Variants in PSD3 observed in about 807,000 individuals in gnomAD.
PSD3 encodes the protein PH and SEC7 domain-containing protein 3.
A neutral mutation model predicts 105.5 loss-of-function variants in PSD3; 49 were observed. The ratio of observed to expected loss-of-function variants is 0.46; its 90% CI spans 0.37 to 0.59. PSD3 has a LOEUF of 0.59. Among genes scored for constraint, PSD3 ranks in the 20% least tolerant of loss-of-function variants. The pLI, the probability that PSD3 is intolerant of heterozygous loss-of-function variation, is 0.00. For missense variants in PSD3, 1,561 were observed against 1,263.8 expected, an observed-to-expected ratio of 1.24 and a Z score of -3.57; for synonymous variants, 557 against 457.8, an observed-to-expected ratio of 1.22 and a Z score of -2.77.
chr8:18,537,378 T>G (rs566964261), intron 15 of PSD3, among the ~76,000 whole-genome samples: 1 of 152,210 alleles, frequency 6.6e-6, no homozygotes, highest in Non-Finnish European at 1.5e-5. Context: ...ATTACCTCCA[T>G]TGATATGAAA....
intron 1 of PSD3, among the ~76,000 whole-genome samples, chr8:19,083,559 T>G (rs1829710840): frequency 1.3e-5 from 2 of 152,098 alleles, no homozygotes; most frequent in East Asian, 3.9e-4. Flanking sequence ...CTAGGTGTGT[T>G]GGGGAGATGG....
chr8:18,878,212 T>A (rs1158003128), intron 2 of PSD3, among the ~76,000 whole-genome samples: 1 of 152,202 alleles, frequency 6.6e-6, no homozygotes, highest in East Asian at 1.9e-4. Context: ...CTTTTGATAT[T>A]GCTTTTCAAA....
At chr8:19,082,441 G>T (rs1829673524) in intron 1 of PSD3, among the ~76,000 whole-genome samples, 1 of 152,188 alleles carries the variant, frequency 6.6e-6, no homozygotes, top group South Asian at 2.1e-4. Flanking sequence ...GTGTTTTCAT[G>T]GTGGAAAAAC....
Position 18,668,977 on chromosome 8 carries a change from T to C in PSD3, c.2173-13292A>G, listed in dbSNP as rs78156521. Among the ~76,000 whole-genome samples, 314 of 152,322 alleles carry C rather than the reference T, an allele frequency of 2.1e-3. 4 individuals carry two copies. In the East Asian group the frequency reaches 0.047, roughly 23 times the overall value. Reference sequence around the variant, plus strand: ...TTTTCACAGGGAAAGATATCCATCATCCTAAGTTCACGGCTAAGAAAACTT... The same window carrying C: ...TTTTCACAGGGAAAGATATCCATCACCCTAAGTTCACGGCTAAGAAAACTT... On this transcript the variant is annotated intron_variant, in intron 9 of 15. Transcript: ENST00000327040.
At chr8:19,031,822 C>G (rs557702991) in intron 1 of PSD3, among the ~76,000 whole-genome samples, 1 of 152,244 alleles carries the variant, frequency 6.6e-6, no homozygotes, top group Admixed American at 6.5e-5. Flanking sequence ...TGAACTAAAA[C>G]AGAACTAAAA....
At chr8:18,651,783 G>A (rs922962891) in intron 10 of PSD3, among the ~76,000 whole-genome samples, 1 of 152,162 alleles carries the variant, frequency 6.6e-6, no homozygotes, top group African/African-American at 2.4e-5. Context: ...AAGGATGATA[G>A]GCTTTGAACA....
At chr8:18,818,814 G>A (rs961653821) in intron 4 of PSD3, among the ~76,000 whole-genome samples, 1 of 152,074 alleles carries the variant, frequency 6.6e-6, no homozygotes, top group African/African-American at 2.4e-5. Context: ...TCTTATATTA[G>A]TGACAGTCAG....
At chr8:18,822,038 A>G (rs1006658568) in intron 4 of PSD3, among the ~76,000 whole-genome samples, 1 of 152,178 alleles carries the variant, frequency 6.6e-6, no homozygotes, top group African/African-American at 2.4e-5. Context: ...TAAAGACGTA[A>G]AAGTCCTTCA....
chr8:18,699,510 T>A (rs1468173674), intron 9 of PSD3, among the ~76,000 whole-genome samples: 1 of 152,168 alleles, frequency 6.6e-6, no homozygotes, highest in Non-Finnish European at 1.5e-5. Flanking sequence ...TAACAATTCA[T>A]AGAGTGTAGT....
intron 4 of PSD3, among the ~76,000 whole-genome samples, chr8:18,846,705 T>C (rs980667374): frequency 2.6e-5 from 4 of 152,168 alleles, no homozygotes; most frequent in African/African-American, 7.2e-5. Context: ...TGGATAGAAG[T>C]TGCAGGATGC....
At chr8:18,813,438 G>C (rs542535218) in intron 4 of PSD3, among the ~76,000 whole-genome samples, 1 of 152,314 alleles carries the variant, frequency 6.6e-6, no homozygotes, top group African/African-American at 2.4e-5. Flanking sequence ...TCACCCTTAT[G>C]TTGGTGGAGG....
chr8:18,603,603 T>C (rs967625650), intron 11 of PSD3, among the ~76,000 whole-genome samples: 4 of 152,236 alleles, frequency 2.6e-5, no homozygotes, highest in Admixed American at 2.0e-4. Flanking sequence ...GCAATGTTGA[T>C]AGTGTTTAGA....
chr8:18,702,780 A>T (rs1442048198), intron 9 of PSD3, among the ~76,000 whole-genome samples: 1 of 151,090 alleles, frequency 6.6e-6, no homozygotes, highest in Non-Finnish European at 1.5e-5. Context: ...GCCTGGCTAA[A>T]TTTTTGCATT....
intron 4 of PSD3, among the ~76,000 whole-genome samples, chr8:18,817,407 A>C (rs1812303959): frequency 6.6e-6 from 1 of 152,110 alleles, no homozygotes; most frequent in African/African-American, 2.4e-5. Flanking sequence ...ATGGATTCAG[A>C]GCATACTCTC....
rs540081198 is a variant in PSD3, at chr8:19,058,524, T to G, written c.324+25682A>C. Among the ~76,000 whole-genome samples the G allele has an allele frequency of 4.1e-4, 61 of 150,392 alleles. No homozygotes were observed. In the South Asian group the frequency reaches 0.012, roughly 29 times the overall value. On this transcript the variant is annotated intron_variant, in intron 1 of 1. Transcript: ENST00000521475. ...TATATACATTTATATTATATGTGTGTTAAAATTCATAGAACTGTACATACA... is the reference window on the plus strand; with the variant it reads ...TATATACATTTATATTATATGTGTGGTAAAATTCATAGAACTGTACATACA...
At chr8:19,074,584 G>GAAATAT (rs1454399924) in intron 1 of PSD3, among the ~76,000 whole-genome samples, 1 of 99,536 alleles carries the variant, frequency 1.0e-5, no homozygotes, top group Non-Finnish European at 2.1e-5. Context: ...TTACAACTCA[G>GAAATAT]ATATATACAT....
chr8:19,036,990 T>C (rs1827963763), intron 1 of PSD3, among the ~76,000 whole-genome samples: 1 of 152,204 alleles, frequency 6.6e-6, no homozygotes. Context: ...GTCTTCAGCA[T>C]CCCCTGTGTC....
chr8:18,576,673 G>A (rs1043761840), intron 12 of PSD3, among the ~76,000 whole-genome samples: 1 of 152,032 alleles, frequency 6.6e-6, no homozygotes, highest in Admixed American at 6.6e-5. Flanking sequence ...TTATAATTAC[G>A]CTATAACAGA....
intron 8 of PSD3, among the ~76,000 whole-genome samples, chr8:18,798,795 C>G (rs1810418537): frequency 6.6e-6 from 1 of 152,174 alleles, no homozygotes; most frequent in South Asian, 2.1e-4. Context: ...CATTTTAACA[C>G]TTTATCTTGT....
Sources: allele counts gnomAD v4.1 joint callset (sites outside exome capture counted in the v4.1 genomes callset), GRCh38; gene constraint gnomAD v4.1.1; transcripts MANE v1.5; gene names NCBI Gene and HGNC (gene_info 2026-07-23, HGNC 2026-07-21).